The following FAM114A1 variants were observed in gnomAD, a reference collection of about 807,000 sequenced individuals.
The protein encoded by FAM114A1 is family with sequence similarity 114 member A1, also known as protein NOXP20.
Under a neutral mutation model 64.3 loss-of-function variants are expected in FAM114A1, and 62 were observed. The observed-to-expected ratio is 0.96, with a 90% CI of 0.79 to 1.19. FAM114A1 has a LOEUF of 1.19. FAM114A1 is among the 50% of genes most tolerant of loss of function. The pLI is 0.00. For missense variants in FAM114A1, 645 were observed against 676.3 expected, an observed-to-expected ratio of 0.95 and a Z score of 0.51; for synonymous variants, 254 against 251.1, an observed-to-expected ratio of 1.01 and a Z score of -0.11.
chr4:38,918,619 C>T (rs1426747826), intron 8 of FAM114A1, among the ~76,000 whole-genome samples: 1 of 152,128 alleles, frequency 6.6e-6, no homozygotes, highest in Non-Finnish European at 1.5e-5. Flanking sequence ...GCTAGGCATC[C>T]TGTATTTTAT....
chr4:38,878,143 A>G lies in FAM114A1; in HGVS notation c.65A>G (p.Asn22Ser), dbSNP rs1714844141. The G allele has an allele frequency of 1.2e-6, 2 of 1,614,220 alleles. No individual in the cohort carries two copies. The highest frequency in any genetic ancestry group is 8.5e-7 in the Non-Finnish European group (1 of 1,180,040). The change falls in exon 3 of 15, where the codon AAT becomes AGT. Residue 22 changes from asparagine (N) to serine (S), a missense_variant. Asn to Ser is a conservative substitution (Grantham distance 46, BLOSUM62 1). Coordinates refer to ENST00000358869, the MANE Select transcript of FAM114A1 (RefSeq NM_138389.4). ...GDKAEVTEMP[N>S]SDSLPEDAEV... ...AAAGCAGAAGTTACTGAGATGCCTA[A>G]TAGTGATTCTTTACCTGAGGATGCA...
intron 9 of FAM114A1, among the ~76,000 whole-genome samples, chr4:38,924,356 G>A (rs1388149917): frequency 2.0e-5 from 3 of 152,312 alleles, no homozygotes; most frequent in East Asian, 3.9e-4. Context: ...TATGCTCGTT[G>A]TTATTACCCG....
At chr4:38,901,488 C>T (rs144123979) in intron 4 of FAM114A1, among the ~76,000 whole-genome samples, 5 of 152,266 alleles carry the variant, frequency 3.3e-5, no homozygotes, top group Non-Finnish European at 7.4e-5. Flanking sequence ...GGTGGGGTTT[C>T]ACCATGTTGG....
intron 3 of FAM114A1, 132 bp from the exon 4 acceptor site, chr4:38,891,611 A>G (rs1230327085): frequency 4.1e-6 from 3 of 732,718 alleles, no homozygotes; most frequent in East Asian, 5.7e-5. Flanking sequence ...TGACCCTTAT[A>G]AACTATAAGC....
At chr4:38,911,203 C>A (rs1718495633) in intron 7 of FAM114A1, among the ~76,000 whole-genome samples, 1 of 152,206 alleles carries the variant, frequency 6.6e-6, no homozygotes, top group Non-Finnish European at 1.5e-5. Flanking sequence ...GCCGGTCCCA[C>A]CCCAGTGAAG....
rs1314265079 is a variant in FAM114A1, at chr4:38,935,795, G to T, written c.1536+5G>T. On this transcript the variant is annotated splice_donor_5th_base_variant and intron_variant, in intron 13 of 14. Transcript: ENST00000358869. The stretch of plus-strand genomic sequence containing the variant: ...AATTCTTTAACCACTGTTGGGGTAA[G>T]ATTACAGTCTTGAATTTTTTTCACC... 6.2e-7 allele frequency: 1 copy of T among 1,602,356 alleles called. No homozygotes were observed. The highest frequency in any genetic ancestry group is 1.7e-5 in the Admixed American group (1 of 59,246).
At chr4:38,909,786 G>A (rs1458662103) in intron 7 of FAM114A1, among the ~76,000 whole-genome samples, 1 of 152,178 alleles carries the variant, frequency 6.6e-6, no homozygotes, top group African/African-American at 2.4e-5. Context: ...AGCTATCACT[G>A]AGAATATGTT....
intron 3 of FAM114A1, among the ~76,000 whole-genome samples, chr4:38,883,395 C>G (rs561896253): frequency 6.6e-6 from 1 of 152,104 alleles, no homozygotes; most frequent in African/African-American, 2.4e-5. Context: ...TCTTATGGGA[C>G]CTTATTATAT....
chr4:38,935,657 G>A, intron 12 of FAM114A1, 61 bp from the exon 13 acceptor site: 1 of 1,204,142 alleles, frequency 8.3e-7, no homozygotes. Flanking sequence ...AAATGGTCGT[G>A]ACAGTTAAAT....
At position 38,891,504 on chromosome 4, in the gene FAM114A1, C is replaced by T. The variant is rs186154547; in HGVS notation, c.349-239C>T. ...TCGAGGCTCAGTTAACATCAAACTC[C>T]CTTCTCACTTCAAACCAAGCCTTCA... On this transcript the variant is annotated intron_variant, in intron 3 of 14. Transcript: ENST00000358869. Among the ~76,000 whole-genome samples, 4 of 152,208 alleles carry T rather than the reference C, an allele frequency of 2.6e-5. No individual in the cohort carries two copies. In the East Asian group the frequency reaches 7.7e-4, roughly 29 times the overall value.
intron 3 of FAM114A1, among the ~76,000 whole-genome samples, chr4:38,882,214 A>G (rs1715347043): frequency 7.2e-6 from 1 of 139,236 alleles, no homozygotes; most frequent in Admixed American, 7.2e-5. Context: ...CGGGAGGCTG[A>G]GGCAGGAGAA....
At chr4:38,922,731 G>GAA (rs769614199) in intron 8 of FAM114A1, 39 bp from the exon 9 acceptor site, 1 of 1,587,070 alleles carries the variant, frequency 6.3e-7, no homozygotes, top group South Asian at 1.2e-5. Context: ...TTAACGAGAA[G>GAA]AAAAGATGAC....
chr4:38,922,979 AC>A (rs1719753563), intron 9 of FAM114A1, 86 bp downstream of exon 9: 1 of 1,430,650 alleles, frequency 7.0e-7, no homozygotes. Context: ...CCTTTGAATT[AC>A]TTAATTCAAG....
chr4:38,920,664 T>C (rs1719501227), intron 8 of FAM114A1, among the ~76,000 whole-genome samples: 1 of 152,212 alleles, frequency 6.6e-6, no homozygotes, highest in South Asian at 2.1e-4. Context: ...TCTGCATACC[T>C]TTTCACTAAG....
rs1450895490 is a variant in FAM114A1 at position 38,877,762 on chromosome 4, C to G, written c.-8-309C>G. 3.3e-5 allele frequency among the ~76,000 whole-genome samples: 5 copies of G among 152,188 alleles called. No homozygotes were observed. In the South Asian group the frequency reaches 1.0e-3, roughly 32 times the overall value. On this transcript the variant is annotated intron_variant, in intron 2 of 14. Coordinates refer to ENST00000358869, the MANE Select transcript of FAM114A1 (RefSeq NM_138389.4). ...GGTGGATCACCTGAGGTCGGGAGTT[C>G]GAGACCAGCCTGACCAACATGGAAA...
At chr4:38,873,814 T>A (rs1052330481) in intron 2 of FAM114A1, among the ~76,000 whole-genome samples, 5 of 151,882 alleles carry the variant, frequency 3.3e-5, no homozygotes, top group African/African-American at 4.8e-5. Flanking sequence ...AGCACAGAGG[T>A]CCCTGGATAC....
intron 4 of FAM114A1, among the ~76,000 whole-genome samples, chr4:38,900,574 A>G (rs1161003296): frequency 6.6e-6 from 1 of 152,230 alleles, no homozygotes; most frequent in African/African-American, 2.4e-5. Context: ...TTTAAAAAGA[A>G]GGAAATTCTG....
rs772773424 is a variant in FAM114A1 at position 38,929,296 on chromosome 4, A to T, written c.1124A>T (p.Glu375Val). Residue 375 changes from glutamate (E) to valine (V), a missense_variant, in exon 10 of 15, where the codon GAA (glutamate) becomes GTA (valine). Transcript: ENST00000358869. ...CGCATGCTTACAGAGCTTCTCTTTG[A>T]ATTACATGTGGCGGCCACACCTGAC... Reference protein sequence around the residue: ...FARMLTELLFELHVAATPDKL... With the variant: ...FARMLTELLFVLHVAATPDKL... 5.6e-6 allele frequency: 9 copies of T among 1,614,058 alleles called. No homozygotes were observed. In the Admixed American group the frequency reaches 1.5e-4, roughly 27 times the overall value.
intron 7 of FAM114A1, among the ~76,000 whole-genome samples, chr4:38,914,130 A>G (rs1718815136): frequency 6.6e-6 from 1 of 152,046 alleles, no homozygotes; most frequent in African/African-American, 2.4e-5. Flanking sequence ...AAAAATTATA[A>G]CTTAGAAAAA....
Sources: allele counts gnomAD v4.1 joint callset (sites outside exome capture counted in the v4.1 genomes callset), GRCh38; gene constraint gnomAD v4.1.1; transcripts MANE v1.5; gene names NCBI Gene and HGNC (gene_info 2026-07-23, HGNC 2026-07-21).